The following CHRD variants were observed in gnomAD, a reference collection of about 807,000 sequenced individuals.
CHRD encodes the protein chordin.
A neutral mutation model predicts 113.7 loss-of-function variants in CHRD; 69 were observed. That is an observed-to-expected ratio of 0.61 (90% CI 0.50 to 0.74). The LOEUF (loss-of-function observed/expected upper bound fraction) is 0.74. Among genes scored for constraint, CHRD ranks in the 30% least tolerant of loss-of-function variants. The pLI, the probability that CHRD is intolerant of heterozygous loss-of-function variation, is 0.00. For missense variants in CHRD, 1,194 were observed against 1,295.8 expected (o/e 0.92, Z 1.21); for synonymous variants, 561 against 540.8 (o/e 1.04, Z -0.52).
exon 16 of CHRD, chr3:184,386,715 C>A (rs368217568): frequency 1.9e-5 from 31 of 1,612,214 alleles, no homozygotes; most frequent in African/African-American, 2.7e-5. Flanking sequence ...GCTCGCTGGG[C>A]GCCCAACTAC....
rs751060955 is a variant in CHRD at position 184,387,001 on chromosome 3, G to A, written c.2291-50G>A. ...CCAGTGCGGACAGGTCCTTTGGGGA[G>A]GGAATGAGGGTGGTCACTCTCTGCT... On this transcript the variant is annotated intron_variant, in intron 17 of 22. Coordinates refer to ENST00000204604, the Ensembl canonical transcript of CHRD. This position sits in a 1 kb window ranked among gnomAD's most constrained non-coding sequence, Gnocchi z 6.1. 17 of 1,613,906 alleles carry A rather than the reference G, an allele frequency of 1.1e-5. No individual in the cohort carries two copies. The highest frequency in any genetic ancestry group is 1.3e-5 in the Non-Finnish European group (15 of 1,179,762).
At chr3:184,389,722 T>G in exon 23 of CHRD, 1 of 357,510 alleles carries the variant, frequency 2.8e-6, no homozygotes, top group South Asian at 4.7e-5. Context: ...TTTTAATTTA[T>G]CTTCACTCAG....
rs1715136992 is a variant in CHRD at position 184,380,502 on chromosome 3, T to A, written c.148+36T>A. On this transcript the variant is annotated intron_variant, in intron 1 of 22. Coordinates refer to ENST00000204604, the Ensembl canonical transcript of CHRD. The surrounding 1 kb of genome is among the most constrained non-coding windows in gnomAD (Gnocchi z 6.3). The stretch of plus-strand genomic sequence containing the variant: ...GCCCGGGGGAGGCGCGGGCGGGGAG[T>A]CGGGCTCGGGGCGAGTCAGCGCCAG... The A allele has an allele frequency of 1.8e-6, 2 of 1,125,910 alleles. No individual in the cohort carries two copies. Among genetic ancestry groups the A allele is most frequent in the East Asian group, 4.5e-5 (1 of 22,174 alleles). The allele number at this position is 1,125,910 out of a possible 1,614,324, so 69.7% of individuals were successfully genotyped here. A position where few individuals can be genotyped will look rare whatever the true frequency, so the allele number is the denominator to read the frequency against.
chr3:184,388,508 G>C lies in CHRD; in HGVS notation c.2555-79G>C, dbSNP rs1047303805. 6.7e-7 allele frequency: 1 copy of C among 1,492,330 alleles called. No individual in the cohort carries two copies. 92.4% of individuals were successfully genotyped at this position (1,492,330 alleles called of 1,614,324 possible). A position where few individuals can be genotyped will look rare whatever the true frequency, so the allele number is the denominator to read the frequency against. The stretch of plus-strand genomic sequence containing the variant: ...CCTACTAAGTGCCAGAAACTGCAAC[G>C]TGCTGGGTATTCAAAGAGAATACTC... On this transcript the variant is annotated intron_variant, in intron 20 of 22. Coordinates refer to ENST00000204604, the Ensembl canonical transcript of CHRD. The surrounding 1 kb of genome is among the most constrained non-coding windows in gnomAD (Gnocchi z 6.1).
At chr3:184,383,411 T>C in exon 11 of CHRD, 1 of 1,613,652 alleles carries the variant, frequency 6.2e-7, no homozygotes, top group Non-Finnish European at 8.5e-7. Context: ...GGCTCCCTGA[T>C]CTATCAGGTA....
Position 184,386,690 on chromosome 3 carries a change from C to T in CHRD, c.2131C>T (p.Gln711Ter). The T allele has an allele frequency of 6.2e-7, 1 of 1,612,490 alleles. No homozygotes were observed. The highest frequency in any genetic ancestry group is 8.5e-7 in the Non-Finnish European group (1 of 1,179,774). ...CAACACATGCTTCTTCGAGGGGCAGCAGCGCCCCCACGGGGCTCGCTGGGC... is the reference window on the plus strand; with the variant it reads ...CAACACATGCTTCTTCGAGGGGCAGTAGCGCCCCCACGGGGCTCGCTGGGC... The change falls in exon 16 of 23, where the codon CAG becomes TAG. Residue 711 changes from glutamine (Q) to a stop codon, truncating the protein, a stop_gained. Coordinates refer to ENST00000204604, the Ensembl canonical transcript of CHRD. LOFTEE classifies it high-confidence loss of function.
chr3:184,389,407 A>G, exon 23 of CHRD: 1 of 1,613,680 alleles, frequency 6.2e-7, no homozygotes, highest in Non-Finnish European at 8.5e-7. Context: ...TGGAGAAAGA[A>G]GCCGAAGGCT....
At chr3:184,386,511 G>A (rs557843970) in exon 16 of CHRD, 2 of 1,539,342 alleles carry the variant, frequency 1.3e-6, no homozygotes, top group Admixed American at 2.3e-5. Context: ...GCCAACCAAT[G>A]TGAGGTTGGC....
rs748210203 is a variant in CHRD at position 184,387,450 on chromosome 3, A to T, written c.2424A>T (p.Leu808Phe). ...ACCCCGTTGTGCCCCCCTTTGGCTT[A>T]ATTAAGTGTGCTGTCTGCACCTGCA... Residue 808 changes from leucine to phenylalanine, a missense_variant, in exon 19 of 23, where the codon TTA (leucine) becomes TTT (phenylalanine). Physicochemically the swap from Leu to Phe is conservative, Grantham distance 22. Coordinates refer to ENST00000204604, the Ensembl canonical transcript of CHRD. The surrounding 1 kb of genome is among the most constrained non-coding windows in gnomAD (Gnocchi z 6.1). 1 of 1,612,288 alleles carries T rather than the reference A, an allele frequency of 6.2e-7. No homozygotes were observed. The highest frequency in any genetic ancestry group is 2.2e-5 in the East Asian group (1 of 44,874).
At position 184,381,856 on chromosome 3, in the gene CHRD, G is replaced by C; in HGVS notation, c.611+41G>C. On this transcript the variant is annotated intron_variant, in intron 5 of 22. Transcript: ENST00000204604. The surrounding 1 kb of genome is among the most constrained non-coding windows in gnomAD (Gnocchi z 4.7). The stretch of plus-strand genomic sequence containing the variant: ...GAGCAAGGAGGGGTCAGCTGCCGGG[G>C]CCCGGGAGGGAAACTGGGAGAGCTG... 1.2e-6 allele frequency: 2 copies of C among 1,610,722 alleles called. No individual in the cohort carries two copies. The highest frequency in any genetic ancestry group is 2.2e-5 in the South Asian group (2 of 90,684).
chr3:184,381,305 C>G lies in CHRD; in HGVS notation c.323C>G (p.Thr108Ser). ...AAGAACATCAAACCAGAGTGCCCAACCCCGGCCTGTGGGCAGCCGCGCCAG... is the reference window on the plus strand; with the variant it reads ...AAGAACATCAAACCAGAGTGCCCAAGCCCGGCCTGTGGGCAGCCGCGCCAG... The change falls in exon 3 of 23, where the codon ACC (threonine) becomes AGC (serine). Residue 108 changes from threonine to serine, a missense_variant. Coordinates refer to ENST00000204604, the Ensembl canonical transcript of CHRD. This position sits in a 1 kb window ranked among gnomAD's most constrained non-coding sequence, Gnocchi z 4.7. 2.5e-6 allele frequency: 4 copies of G among 1,611,430 alleles called. No individual in the cohort carries two copies. In the South Asian group the frequency reaches 4.4e-5, roughly 18 times the overall value.
At chr3:184,386,900 C>G (rs146476400) in exon 17 of CHRD, 141 of 1,614,224 alleles carry the variant, frequency 8.7e-5, no homozygotes, top group Non-Finnish European at 1.2e-4. Flanking sequence ...TGCCCACACC[C>G]GGTGCAGGCT....
intron 14 of CHRD, among the ~76,000 whole-genome samples, chr3:184,385,687 A>T (rs894275977): frequency 6.7e-6 from 1 of 150,050 alleles, no homozygotes; most frequent in Non-Finnish European, 1.5e-5. Flanking sequence ...AAAAAAAAAA[A>T]AAAAAAAAGA....
chr3:184,389,598 G>C (rs1716897900), exon 23 of CHRD: 1 of 617,258 alleles, frequency 1.6e-6, no homozygotes, highest in African/African-American at 1.8e-5. Flanking sequence ...GGGAGAGGCA[G>C]CTGGGCCAGA....
chr3:184,383,741 A>T, intron 12 of CHRD, 99 bp downstream of exon 12: 2 of 1,079,226 alleles, frequency 1.9e-6, no homozygotes, highest in Non-Finnish European at 2.6e-6. Flanking sequence ...CCACTCACTC[A>T]TGGGTTCTCC....
Position 184,383,170 on chromosome 3 carries a change from C to A in CHRD, c.1213+7C>A. ...GCCAGGAAGAGCTGCGACGGTGAGGCGGGGGGGGGGCCTGGTGCGCCGGGC... is the reference window on the plus strand; with the variant it reads ...GCCAGGAAGAGCTGCGACGGTGAGGAGGGGGGGGGGCCTGGTGCGCCGGGC... On this transcript the variant is annotated splice_region_variant and intron_variant, in intron 10 of 22. Coordinates refer to ENST00000204604, the Ensembl canonical transcript of CHRD. 7.2e-6 allele frequency: 10 copies of A among 1,388,410 alleles called. No individual in the cohort carries two copies. The highest frequency in any genetic ancestry group is 9.7e-6 in the Non-Finnish European group (10 of 1,036,192). 86.0% of individuals were successfully genotyped at this position (1,388,410 alleles called of 1,614,324 possible).
chr3:184,382,048 GC>G (rs1360538224), intron 6 of CHRD, 28 bp downstream of exon 6: 7 of 1,611,742 alleles, frequency 4.3e-6, no homozygotes, highest in Non-Finnish European at 5.1e-6. Flanking sequence ...ATGAGCACTT[GC>G]CCAGTCTGGG....
At chr3:184,383,688 C>A in intron 12 of CHRD, 46 bp downstream of exon 12, 1 of 1,548,700 alleles carries the variant, frequency 6.5e-7, no homozygotes, top group Non-Finnish European at 8.7e-7. Context: ...AATGCATGGG[C>A]TGTGGGAAGC....
At chr3:184,382,984 C>G in intron 9 of CHRD, 32 bp from the exon 10 acceptor site, 1 of 1,612,800 alleles carries the variant, frequency 6.2e-7, no homozygotes. Flanking sequence ...TGGCCTCTTG[C>G]TATTGCCCAT....
Sources: gnomAD v4.1 joint callset for allele counts (sites outside exome capture counted in the v4.1 genomes callset) on GRCh38, gnomAD v4.1.1 for gene constraint, Gnocchi (gnomAD v3.1) non-coding constraint, MANE v1.5 for transcripts, NCBI Gene and HGNC (gene_info 2026-07-23, HGNC 2026-07-21) for gene names.